Variants in ZSCAN25 observed in about 807,000 individuals in gnomAD.
The protein encoded by ZSCAN25 is zinc finger and SCAN domain containing 25.
A neutral mutation model predicts 38.7 loss-of-function variants in ZSCAN25; 27 were observed. That is an observed-to-expected ratio of 0.70 (90% CI 0.51 to 0.96). The LOEUF (loss-of-function observed/expected upper bound fraction) is 0.96. Among genes scored for constraint, ZSCAN25 ranks in the 40% least tolerant of loss-of-function variants. The pLI is 0.00. For synonymous variants in ZSCAN25, 273 were observed against 277.7 expected (o/e 0.98, Z 0.17); for missense variants, 637 against 705.9 (o/e 0.90, Z 1.11).
the ZSCAN25 span, chr7:99,730,675 T>A: frequency 4.3e-6 from 1 of 230,098 alleles, no homozygotes; most frequent in Non-Finnish European, 8.6e-6. Flanking sequence ...TACTCTCATG[T>A]CCACAGATAA....
the ZSCAN25 span, among the ~76,000 whole-genome samples, chr7:99,657,962 T>G: frequency 3.1e-4 from 47 of 152,360 alleles, 1 homozygote; most frequent in Admixed American, 2.2e-3. Context: ...CCCTTTATTT[T>G]GAGCCTATGT....
At chr7:99,692,450 A>G in the ZSCAN25 span, among the ~76,000 whole-genome samples, 1 of 152,004 alleles carries the variant, frequency 6.6e-6, no homozygotes, top group African/African-American at 2.4e-5. Flanking sequence ...CTGCTTTGCT[A>G]GTTTGGGGAA....
chr7:99,624,652 C>T (rs1023363550), intron 7 of ZSCAN25, among the ~76,000 whole-genome samples: 4 of 152,252 alleles, frequency 2.6e-5, no homozygotes, highest in South Asian at 2.1e-4. Context: ...GAGGGGGCTT[C>T]GCGATGGGAG....
chr7:99,641,872 A>G, the ZSCAN25 span, among the ~76,000 whole-genome samples: 5 of 152,064 alleles, frequency 3.3e-5, no homozygotes, highest in Middle Eastern at 3.2e-3. Flanking sequence ...CCCTGCTTCT[A>G]CTCTTTCCTC....
chr7:99,704,436 G>A, the ZSCAN25 span, among the ~76,000 whole-genome samples: 27 of 152,060 alleles, frequency 1.8e-4, no homozygotes, highest in African/African-American at 5.8e-4. Context: ...GATTACAGGC[G>A]TGTGCCACCA....
intron 7 of ZSCAN25, chr7:99,624,554 T>G (rs1336037821): frequency 4.5e-6 from 1 of 223,608 alleles, no homozygotes; most frequent in East Asian, 9.3e-5. Flanking sequence ...GTGGGCCCTG[T>G]GTTAGTGGTT....
chr7:99,676,422 G>A, the ZSCAN25 span: 3 of 1,486,658 alleles, frequency 2.0e-6, no homozygotes, highest in Non-Finnish European at 9.0e-7. Flanking sequence ...TTAGCTGAAA[G>A]CAGCTGAAGT....
the ZSCAN25 span, among the ~76,000 whole-genome samples, chr7:99,656,667 T>C: frequency 6.6e-6 from 1 of 152,222 alleles, no homozygotes; most frequent in Non-Finnish European, 1.5e-5. Context: ...TACCAGGTCC[T>C]CCTTGTACCT....
chr7:99,640,089 A>G, the ZSCAN25 span, among the ~76,000 whole-genome samples: 1 of 152,188 alleles, frequency 6.6e-6, no homozygotes, highest in East Asian at 1.9e-4. Context: ...CTTAAAGGTC[A>G]AATAGGCATC....
the ZSCAN25 span, among the ~76,000 whole-genome samples, chr7:99,698,268 C>A: frequency 6.6e-6 from 1 of 152,186 alleles, no homozygotes; most frequent in African/African-American, 2.4e-5. Flanking sequence ...AGTGACCGCC[C>A]CACAACATGG....
chr7:99,715,372 C>G, the ZSCAN25 span: 2 of 258,544 alleles, frequency 7.7e-6, no homozygotes, highest in Non-Finnish European at 1.5e-5. Context: ...GAAGGGCAAA[C>G]TAAGCCTGAA....
At chr7:99,710,938 G>A in the ZSCAN25 span, 1 of 1,612,792 alleles carries the variant, frequency 6.2e-7, no homozygotes, top group Non-Finnish European at 8.5e-7. Flanking sequence ...GTCAATGTAG[G>A]GCATCACAGT....
the ZSCAN25 span, among the ~76,000 whole-genome samples, chr7:99,684,420 G>A: frequency 6.6e-6 from 1 of 151,994 alleles, no homozygotes; most frequent in Non-Finnish European, 1.5e-5. Flanking sequence ...CACCCACCTC[G>A]GCCTCCCAAA....
the ZSCAN25 span, among the ~76,000 whole-genome samples, chr7:99,669,532 A>G: frequency 1.3e-5 from 2 of 152,334 alleles, no homozygotes; most frequent in South Asian, 4.1e-4. Flanking sequence ...TGATATTTCT[A>G]AAATCAGTTT....
chr7:99,735,089 T>G, the ZSCAN25 span: 8 of 1,614,036 alleles, frequency 5.0e-6, no homozygotes, highest in East Asian at 2.2e-5. Flanking sequence ...TGGGATGAGA[T>G]CCATCACTAC....
chr7:99,717,740 T>A, the ZSCAN25 span: 2 of 1,419,430 alleles, frequency 1.4e-6, no homozygotes, highest in Non-Finnish European at 1.9e-6. Flanking sequence ...AACAAATATT[T>A]AGTGACTGTC....
the ZSCAN25 span, among the ~76,000 whole-genome samples, chr7:99,723,010 G>A: frequency 1.5e-5 from 2 of 130,958 alleles, no homozygotes; most frequent in South Asian, 5.1e-4. Flanking sequence ...CACTTGCTCC[G>A]AGTTTGCACT....
chr7:99,617,762 C>T (rs1216442617), intron 1 of ZSCAN25, among the ~76,000 whole-genome samples: 1 of 152,106 alleles, frequency 6.6e-6, no homozygotes, highest in Non-Finnish European at 1.5e-5. Context: ...AAAAGAGTCA[C>T]AATGGGTGGG....
the ZSCAN25 span, among the ~76,000 whole-genome samples, chr7:99,651,752 G>A: frequency 6.6e-6 from 1 of 152,208 alleles, no homozygotes; most frequent in African/African-American, 2.4e-5. Context: ...ACTATATCCA[G>A]AGTGCGAACT....
Sources: allele counts gnomAD v4.1 joint callset (sites outside exome capture counted in the v4.1 genomes callset), GRCh38; gene constraint gnomAD v4.1.1; transcripts MANE v1.5; gene names NCBI Gene and HGNC (gene_info 2026-07-23, HGNC 2026-07-21).